The following TENM3 variants were observed in gnomAD, a reference collection of about 807,000 sequenced individuals.
TENM3 encodes teneurin-3.
Under a neutral mutation model 255.1 loss-of-function variants are expected in TENM3, and 63 were observed. The ratio of observed to expected loss-of-function variants is 0.25; its 90% CI spans 0.20 to 0.30. TENM3 has a LOEUF of 0.30. TENM3 is among the 10% of genes least tolerant of loss of function. The pLI is 1.00. For synonymous variants in TENM3, 1,306 were observed against 1,322.3 expected (o/e 0.99, Z 0.27); for missense variants, 2,929 against 3,461.1 (o/e 0.85, Z 3.86).
chr4:182,383,593 A>G (rs544614946), intron 3 of TENM3, among the ~76,000 whole-genome samples: 1 of 152,070 alleles, frequency 6.6e-6, no homozygotes, highest in Non-Finnish European at 1.5e-5. Context: ...TATAATACCC[A>G]ATAGATAGTT....
chr4:182,521,329 C>T (rs1415960334), intron 3 of TENM3, among the ~76,000 whole-genome samples: 2 of 152,164 alleles, frequency 1.3e-5, no homozygotes, highest in Non-Finnish European at 1.5e-5. Flanking sequence ...GTAGACTTTT[C>T]CTGAGGGAAG....
intron 3 of TENM3, among the ~76,000 whole-genome samples, chr4:182,347,936 A>G (rs1306978100): frequency 6.6e-6 from 1 of 152,238 alleles, no homozygotes; most frequent in Non-Finnish European, 1.5e-5. Flanking sequence ...TGATATTTCA[A>G]TTTTATTATT....
chr4:181,663,025 G>T, the TENM3 span, among the ~76,000 whole-genome samples: 19 of 152,182 alleles, frequency 1.2e-4, no homozygotes, highest in East Asian at 3.1e-3. Flanking sequence ...TGGCCAGAAA[G>T]GTTTCAAGAC....
chr4:182,535,739 CAA>C (rs113823765), intron 3 of TENM3, among the ~76,000 whole-genome samples: 22 of 110,312 alleles, frequency 2.0e-4, no homozygotes, highest in East Asian at 5.2e-4. Context: ...GACCCTATGT[CAA>C]AAAAAAAAAA....
At chr4:182,116,307 T>C in the TENM3 span, among the ~76,000 whole-genome samples, 3 of 146,146 alleles carry the variant, frequency 2.1e-5, no homozygotes, top group Non-Finnish European at 4.5e-5. Context: ...CTTTTCAGAC[T>C]GGCTTTTTTC....
the TENM3 span, among the ~76,000 whole-genome samples, chr4:181,866,160 A>C: frequency 4.6e-5 from 7 of 152,226 alleles, no homozygotes; most frequent in South Asian, 4.1e-4. Flanking sequence ...GGCTAAACTC[A>C]ATAGCACCCT....
chr4:181,682,048 T>C, the TENM3 span, among the ~76,000 whole-genome samples: 7 of 152,090 alleles, frequency 4.6e-5, no homozygotes, highest in African/African-American at 1.7e-4. Flanking sequence ...TATAAGAATA[T>C]TGCTGAGCTC....
chr4:181,621,262 G>C, the TENM3 span, among the ~76,000 whole-genome samples: 3 of 152,262 alleles, frequency 2.0e-5, no homozygotes, highest in East Asian at 3.9e-4. Context: ...ACCCTGTAAA[G>C]TGCATGTTAA....
intron 6 of TENM3, among the ~76,000 whole-genome samples, chr4:182,659,205 C>T (rs1754006320): frequency 6.6e-6 from 1 of 152,152 alleles, no homozygotes. Context: ...AAATTTGCCT[C>T]TCTTTCAGGG....
chr4:182,799,680 C>A lies in TENM3; in HGVS notation c.7429C>A (p.Arg2477=). Residue 2477 remains arginine (R), a synonymous_variant, in exon 28 of 28, where the codon CGG becomes AGG. Transcript: ENST00000511685. The surrounding 1 kb of genome is among the most constrained non-coding windows in gnomAD (Gnocchi z 4.2). ...LGKMAEVQVS[R]RRAGGAQSWL... is the part of the protein sequence containing the mutation. ...GAAGATGGCCGAGGTGCAGGTGAGC[C>A]GGCGCCGGGCCGGCGGCGCGCAGTC... 6 of 1,548,810 alleles carry A rather than the reference C, an allele frequency of 3.9e-6. No homozygotes were observed. The highest frequency in any genetic ancestry group is 5.2e-6 in the Non-Finnish European group (6 of 1,146,528).
chr4:182,750,959 C>G (rs185336613), intron 19 of TENM3, among the ~76,000 whole-genome samples: 37 of 152,266 alleles, frequency 2.4e-4, no homozygotes, highest in Middle Eastern at 3.4e-3. Flanking sequence ...CTTTTTAATT[C>G]CAATGATACG....
At position 182,688,286 on chromosome 4, in the gene TENM3, A is replaced by G. The variant is rs1158886052; in HGVS notation, c.2156A>G (p.His719Arg). ...GCCTGCCACCCCCGCTGTGCCGAGC[A>G]CGGGACCTGCAAGGATGGCAAGTGT... ...QRACHPRCAE[H>R]GTCKDGKCEC... Residue 719 changes from histidine to arginine, a missense_variant, in exon 12 of 28, where the codon CAC (histidine) becomes CGC (arginine). By Grantham distance (29) the His-to-Arg change is conservative (BLOSUM62 0). Around this residue, in one of 6 missense-constraint regions of TENM3, gnomAD observed 1,608 missense variants for 1,884.4 expected, o/e 0.85. Coordinates refer to ENST00000511685, the MANE Select transcript of TENM3 (RefSeq NM_001080477.4). 6.2e-7 allele frequency: 1 copy of G among 1,613,930 alleles called. No homozygotes were observed. The highest frequency in any genetic ancestry group is 8.5e-7 in the Non-Finnish European group (1 of 1,179,852).
At chr4:182,761,884 C>T (rs568721712) in intron 22 of TENM3, among the ~76,000 whole-genome samples, 4 of 152,098 alleles carry the variant, frequency 2.6e-5, no homozygotes, top group East Asian at 1.9e-4. Context: ...TTAACCAAAA[C>T]GTGTATTTCC....
At chr4:181,509,520 A>C in the TENM3 span, among the ~76,000 whole-genome samples, 1 of 152,140 alleles carries the variant, frequency 6.6e-6, no homozygotes, top group African/African-American at 2.4e-5. Flanking sequence ...CTCTGAGTTT[A>C]ATCCTAGGGT....
intron 3 of TENM3, among the ~76,000 whole-genome samples, chr4:182,455,549 ATTTCTT>A (rs1773799210): frequency 1.0e-5 from 1 of 100,308 alleles, no homozygotes; most frequent in Non-Finnish European, 1.9e-5. Context: ...CTTGCATGGT[ATTTCTT>A]TTTTTTTTTT....
chr4:181,971,259 G>T, the TENM3 span, among the ~76,000 whole-genome samples: 2 of 152,148 alleles, frequency 1.3e-5, no homozygotes, highest in Non-Finnish European at 2.9e-5. Context: ...CAGGAATTAG[G>T]TCTGTTCTGT....
In TENM3 at chr4:182,181,359, GC is replaced by G. The variant is rs368499729; in HGVS notation, c.-76+36606del. Among the ~76,000 whole-genome samples, 1,052 of 152,308 alleles carry G rather than the reference GC, an allele frequency of 6.9e-3. 13 individuals carry two copies. The highest frequency in any genetic ancestry group is 0.024 in the African/African-American group (998 of 41,572). On this transcript the variant is annotated intron_variant, in intron 1 of 2. Transcript: ENST00000512480. ...AATGAGAACGGTCCCCAAATCTTCT[GC>G]TGAAAGAGGGGGCCCTCCCGTGGGA...
chr4:182,256,612 C>A (rs796273940), intron 1 of TENM3, among the ~76,000 whole-genome samples: 1 of 152,192 alleles, frequency 6.6e-6, no homozygotes, highest in South Asian at 2.1e-4. Flanking sequence ...TCCCCTGTAA[C>A]TTTGCTTTTC....
At chr4:182,009,493 A>T in the TENM3 span, among the ~76,000 whole-genome samples, 1 of 152,114 alleles carries the variant, frequency 6.6e-6, no homozygotes, top group African/African-American at 2.4e-5. Context: ...AGACCTGAAG[A>T]TGCACTCTGG....
Sources: gnomAD v4.1 joint callset for allele counts (sites outside exome capture counted in the v4.1 genomes callset) on GRCh38, gnomAD v4.1.1 for gene constraint, gnomAD v4.1.1 regional missense constraint, Gnocchi (gnomAD v3.1) non-coding constraint, MANE v1.5 for transcripts, NCBI Gene and HGNC (gene_info 2026-07-23, HGNC 2026-07-21) for gene names.